The following CHD8 variants were observed in gnomAD, a reference collection of about 807,000 sequenced individuals.
The protein encoded by CHD8 is ATP-dependent chromatin remodeler CHD8.
In CHD8, 31 loss-of-function variants were observed where a neutral mutation model predicts 279.2. The ratio of observed to expected loss-of-function variants is 0.11; its 90% CI spans 0.08 to 0.15. The LOEUF is 0.15. CHD8 is among the 10% of genes least tolerant of loss of function. The probability of loss-of-function intolerance (pLI) is 1.00; values close to 1 mark genes in which losing one functional copy is unlikely to be tolerated. For missense variants in CHD8, 2,146 were observed against 3,230.5 expected, an observed-to-expected ratio of 0.66 and a Z score of 8.14; for synonymous variants, 1,081 against 1,139.6, an observed-to-expected ratio of 0.95 and a Z score of 1.04.
At chr14:21,446,151 CA>C (rs1207597847) in intron 1 of CHD8, among the ~76,000 whole-genome samples, 8 of 152,140 alleles carry the variant, frequency 5.3e-5, no homozygotes, top group African/African-American at 1.9e-4. Flanking sequence ...AAGATCGCGC[CA>C]CTGCACTCCA....
chr14:21,444,534 T>A (rs1245330279), intron 1 of CHD8, among the ~76,000 whole-genome samples: 1 of 152,176 alleles, frequency 6.6e-6, no homozygotes, highest in African/African-American at 2.4e-5. Flanking sequence ...AGATGTTCTA[T>A]GTCACTAGTA....
At chr14:21,436,916 G>A in intron 1 of CHD8, 1 of 1,287,046 alleles carries the variant, frequency 7.8e-7, no homozygotes, top group South Asian at 1.2e-5. Context: ...CATACTGCCG[G>A]GGTTGGTGCC....
intron 11 of CHD8, 137 bp downstream of exon 11, chr14:21,409,714 T>G: frequency 1.4e-6 from 1 of 711,240 alleles, no homozygotes; most frequent in South Asian, 2.0e-5. Flanking sequence ...GGGTGATGGG[T>G]ACATTATACC....
chr14:21,389,734 A>C (rs555551948), intron 37 of CHD8, among the ~76,000 whole-genome samples: 1 of 152,378 alleles, frequency 6.6e-6, no homozygotes, highest in East Asian at 1.9e-4. Context: ...AGTCCACCAA[A>C]TGGCCTATTA....
chr14:21,436,036 A>G (rs1889767152), intron 1 of CHD8, among the ~76,000 whole-genome samples: 1 of 152,234 alleles, frequency 6.6e-6, no homozygotes, highest in African/African-American at 2.4e-5. Context: ...TTGCCCACTT[A>G]TAGATTTCTC....
At chr14:21,414,017 C>G (rs1333676673) in intron 9 of CHD8, 2 of 286,270 alleles carry the variant, frequency 7.0e-6, no homozygotes, top group Non-Finnish European at 1.3e-5. Flanking sequence ...ACAAAGAATG[C>G]CTCAAGTGGA....
rs1222673572 is a variant in CHD8, at chr14:21,386,432, T to G, written c.7183-256A>C. Reference sequence around the variant, plus strand: ...AAACTCATATTAACCAGTTTTTGCTTCTTTTCCCCATGACTATATTGTATC... The same window carrying G: ...AAACTCATATTAACCAGTTTTTGCTGCTTTTCCCCATGACTATATTGTATC... On this transcript the variant is annotated intron_variant, in intron 37 of 37. Coordinates refer to ENST00000646647, the MANE Select transcript of CHD8 (RefSeq NM_001170629.2). The G allele has an allele frequency of 5.6e-6, 3 of 537,646 alleles. No homozygotes were observed. In the African/African-American group the frequency reaches 5.7e-5, roughly 10 times the overall value. The allele number at this position is 537,646 out of a possible 1,614,324, so 33.3% of individuals were successfully genotyped here.
At position 21,443,581 on chromosome 14, in the gene CHD8, G is replaced by A. The variant is rs530269706; in HGVS notation, c.-215-11723C>T. On this transcript the variant is annotated intron_variant, in intron 1 of 37. Transcript: ENST00000646647. ...CCATATAAGAATTTTAGGACTGGGC[G>A]CTGTGGCTCACACCTGTAATCCCAG... Among the ~76,000 whole-genome samples, 42 of 150,344 alleles carry A rather than the reference G, an allele frequency of 2.8e-4. 2 individuals carry two copies. In the South Asian group the frequency reaches 7.6e-3, roughly 27 times the overall value.
At position 21,401,940 on chromosome 14, in the gene CHD8, G is replaced by A; in HGVS notation, c.4062+17C>T. 6.3e-7 allele frequency: 1 copy of A among 1,596,836 alleles called. No homozygotes were observed. Among genetic ancestry groups the A allele is most frequent in the Non-Finnish European group, 8.5e-7 (1 of 1,172,590 alleles). On this transcript the variant is annotated intron_variant, in intron 20 of 37. Coordinates refer to ENST00000646647, the MANE Select transcript of CHD8 (RefSeq NM_001170629.2). ...GGTCTCTGTGTTTTTCTAGCCTCTG[G>A]CATAGACAGAACATGCCTTAGCAAA...
chr14:21,441,752 G>A (rs897738172), intron 1 of CHD8, among the ~76,000 whole-genome samples: 4 of 152,154 alleles, frequency 2.6e-5, no homozygotes, highest in Admixed American at 1.3e-4. Context: ...AGCTGGGCGT[G>A]GTGGTGGGCA....
chr14:21,392,974 G>GAAA (rs10646956), intron 33 of CHD8, 132 bp downstream of exon 33: 3,582 of 932,172 alleles, frequency 3.8e-3, no homozygotes, highest in South Asian at 4.9e-3. Context: ...AAGTTTCCTG[G>GAAA]AAAAAAAAAA....
chr14:21,448,982 G>C (rs914365749), intron 1 of CHD8, among the ~76,000 whole-genome samples: 1 of 151,664 alleles, frequency 6.6e-6, no homozygotes, highest in Non-Finnish European at 1.5e-5. Flanking sequence ...AGACCATCCT[G>C]GCTAACAAGG....
intron 26 of CHD8, chr14:21,398,937 G>T (rs533080692): frequency 5.0e-6 from 2 of 400,064 alleles, no homozygotes; most frequent in East Asian, 1.4e-4. Flanking sequence ...GCAGATCTCT[G>T]TAAAGACCCT....
At position 21,395,906 on chromosome 14, in the gene CHD8, G is replaced by A. The variant is rs772535596; in HGVS notation, c.5052-14C>T. The A allele has an allele frequency of 9.5e-6, 15 of 1,575,140 alleles. No homozygotes were observed. Among genetic ancestry groups the A allele is most frequent in the African/African-American group, 8.1e-5 (6 of 74,138 alleles). ...TCAAAGTCAACCCTAAAATTATGGA[G>A]AGGCACAAGAAAATGTTAATAATGT... On this transcript the variant is annotated splice_polypyrimidine_tract_variant and intron_variant, in intron 27 of 37. Coordinates refer to ENST00000646647, the MANE Select transcript of CHD8 (RefSeq NM_001170629.2).
intron 1 of CHD8, chr14:21,436,969 G>C: frequency 7.8e-7 from 1 of 1,286,056 alleles, no homozygotes; most frequent in Non-Finnish European, 1.0e-6. Flanking sequence ...CTGGTAACTG[G>C]AGACCCCAAA....
Position 21,408,445 on chromosome 14 carries a change from G to A in CHD8, c.2597C>T (p.Ala866Val). ...CCAGTTAGTAATTGTGGACAGTGGG[G>A]CAATGACCAAGAAGGGACCATGGAT... ...VGIHGPFLVI[A>V]PLSTITNWER... Residue 866 changes from alanine (A) to valine (V), a missense_variant, in exon 13 of 38, where the codon GCC becomes GTC. Physicochemically the swap from Ala to Val is moderately conservative, Grantham distance 64 (BLOSUM62 0). This residue lies in a region of CHD8 where 211 missense variants were observed against 464.7 expected (regional missense o/e 0.45). Transcript: ENST00000646647. The surrounding 1 kb of genome is among the most constrained non-coding windows in gnomAD (Gnocchi z 4.3). 1.9e-6 allele frequency: 3 copies of A among 1,613,936 alleles called. No homozygotes were observed. Among genetic ancestry groups the A allele is most frequent in the Non-Finnish European group, 2.5e-6 (3 of 1,179,866 alleles).
intron 1 of CHD8, among the ~76,000 whole-genome samples, chr14:21,441,109 G>A: frequency 6.6e-6 from 1 of 152,142 alleles, no homozygotes. Context: ...CTCCTGCTGG[G>A]GAAGTCTTGA....
chr14:21,386,787 C>T (rs899307346), intron 37 of CHD8, among the ~76,000 whole-genome samples: 34 of 151,114 alleles, frequency 2.2e-4, no homozygotes, highest in African/African-American at 7.3e-4. Context: ...TGCAGTGAGC[C>T]GAGATCGCGC....
At chr14:21,453,067 G>A (rs546144622) in intron 1 of CHD8, among the ~76,000 whole-genome samples, 2 of 151,768 alleles carry the variant, frequency 1.3e-5, no homozygotes, top group South Asian at 2.1e-4. Flanking sequence ...CCAGCACTTC[G>A]GGAGGCCAAG....
Sources: allele counts gnomAD v4.1 joint callset (sites outside exome capture counted in the v4.1 genomes callset), GRCh38; gene constraint gnomAD v4.1.1; regional missense constraint gnomAD v4.1.1; non-coding constraint Gnocchi (gnomAD v3.1); transcripts MANE v1.5; gene names NCBI Gene and HGNC (gene_info 2026-07-23, HGNC 2026-07-21).